MEGF9: variants seen among roughly 807,000 people sequenced by gnomAD.
MEGF9 encodes the protein multiple epidermal growth factor-like domains protein 9.
A neutral mutation model predicts 46.8 loss-of-function variants in MEGF9; 6 were observed. The ratio of observed to expected loss-of-function variants is 0.13; its 90% CI spans 0.07 to 0.25. MEGF9 has a LOEUF of 0.25. Ranked by LOEUF, MEGF9 falls within the 10% of genes least tolerant of loss-of-function variation. MEGF9 has a pLI of 1.00. For synonymous variants in MEGF9, 302 were observed against 330.7 expected (o/e 0.91, Z 0.94); for missense variants, 683 against 792.4 (o/e 0.86, Z 1.66).
chr9:120,676,088 AT>A, intron 1 of MEGF9, among the ~76,000 whole-genome samples: 1 of 151,982 alleles, frequency 6.6e-6, no homozygotes. Context: ...TTCCCCAGTA[AT>A]TCCATTTATC....
chr9:120,630,519 T>C (rs75998064), intron 2 of MEGF9, among the ~76,000 whole-genome samples: 1,971 of 152,356 alleles, frequency 0.013, 54 homozygotes, highest in African/African-American at 0.045. Context: ...CCTATAGATA[T>C]ACACCCAGTA....
chr9:120,679,711 G>A (rs1023565558), intron 1 of MEGF9, among the ~76,000 whole-genome samples: 2 of 152,084 alleles, frequency 1.3e-5, no homozygotes, highest in Non-Finnish European at 2.9e-5. Context: ...GCTGATGCAG[G>A]CAGATCACCT....
intron 2 of MEGF9, among the ~76,000 whole-genome samples, chr9:120,626,841 T>C (rs1346553321): frequency 1.3e-5 from 2 of 152,184 alleles, no homozygotes; most frequent in African/African-American, 4.8e-5. Context: ...ATACCAACCT[T>C]TGTAGTATAT....
chr9:120,682,572 T>TACACACAC (rs34220125), intron 1 of MEGF9, among the ~76,000 whole-genome samples: 1 of 150,328 alleles, frequency 6.7e-6, no homozygotes, highest in African/African-American at 2.4e-5. Flanking sequence ...AACCAATTCT[T>TACACACAC]ACACACACAC....
chr9:120,659,392 A>C lies in MEGF9; in HGVS notation c.785T>G (p.Leu262Arg). The change falls in exon 2 of 6, where the codon CTC (leucine) becomes CGC (arginine). Residue 262 changes from leucine (L) to arginine (R), a missense_variant. By Grantham distance (102) the Leu-to-Arg change is moderately radical. This residue lies in a region of MEGF9 where 370 missense variants were observed against 371.3 expected (regional missense o/e 1.00). Transcript: ENST00000373930. Reference protein sequence around the residue: ...QPCDCSPHGALSIPCNSSGKC... With the variant: ...QPCDCSPHGARSIPCNSSGKC... ...TGCTTACCTGTTGCACGGTATGCTG[A>C]GAGCTCCATGTGGACTACAGTCACA... 1 of 1,613,830 alleles carries C rather than the reference A, an allele frequency of 6.2e-7. No individual in the cohort carries two copies. The highest frequency in any genetic ancestry group is 8.5e-7 in the Non-Finnish European group (1 of 1,179,824).
chr9:120,682,045 A>G (rs772567505), intron 1 of MEGF9, among the ~76,000 whole-genome samples: 1 of 152,220 alleles, frequency 6.6e-6, no homozygotes, highest in South Asian at 2.1e-4. Context: ...ACAACAAGCA[A>G]CAACAACAAA....
intron 4 of MEGF9, among the ~76,000 whole-genome samples, chr9:120,609,460 A>G (rs2043434910): frequency 6.6e-6 from 1 of 152,188 alleles, no homozygotes; most frequent in African/African-American, 2.4e-5. Flanking sequence ...GTAATTACCT[A>G]GTTACTTGTG....
At chr9:120,641,512 A>AT (rs1315272569) in intron 2 of MEGF9, among the ~76,000 whole-genome samples, 1 of 152,240 alleles carries the variant, frequency 6.6e-6, no homozygotes, top group Non-Finnish European at 1.5e-5. Context: ...TTGCATCTGC[A>AT]TAAGTTGACC....
Position 120,612,443 on chromosome 9 carries a change from A to C in MEGF9, c.1040T>G (p.Leu347Arg), listed in dbSNP as rs746632272. ...YQSPDATKEC[L>R]RCPCSAVTST... Reference sequence around the variant, plus strand: ...TGTCACTGCTGAACAAGGGCAGCGAAGACATTCTTTAGTGGCATCAGGACT... The same window carrying C: ...TGTCACTGCTGAACAAGGGCAGCGACGACATTCTTTAGTGGCATCAGGACT... Residue 347 changes from leucine to arginine, a missense_variant, in exon 4 of 6, where the codon CTT becomes CGT. By Grantham distance (102) the Leu-to-Arg change is moderately radical. Around this residue, in one of 2 missense-constraint regions of MEGF9, gnomAD observed 313 missense variants for 421.1 expected, o/e 0.74. Transcript: ENST00000373930. The C allele has an allele frequency of 1.9e-6, 3 of 1,613,782 alleles. No individual in the cohort carries two copies. The highest frequency in any genetic ancestry group is 2.5e-6 in the Non-Finnish European group (3 of 1,179,744).
At chr9:120,619,676 T>C (rs932765863) in intron 3 of MEGF9, among the ~76,000 whole-genome samples, 3 of 152,232 alleles carry the variant, frequency 2.0e-5, no homozygotes, top group African/African-American at 7.2e-5. Context: ...TTGGTGAGCA[T>C]CTCTGAATAT....
chr9:120,669,378 A>G (rs114584117), intron 1 of MEGF9, among the ~76,000 whole-genome samples: 1,620 of 152,300 alleles, frequency 0.011, 30 homozygotes, highest in African/African-American at 0.034. Context: ...GGTCAATTTA[A>G]AAGACAAAGA....
chr9:120,636,759 G>T (rs1480181662), intron 2 of MEGF9, among the ~76,000 whole-genome samples: 1 of 151,668 alleles, frequency 6.6e-6, no homozygotes, highest in East Asian at 2.0e-4. Flanking sequence ...CCGCCCGGCC[G>T]CCCCATCTGA....
At chr9:120,663,455 T>A (rs1273223826) in intron 1 of MEGF9, among the ~76,000 whole-genome samples, 1 of 152,168 alleles carries the variant, frequency 6.6e-6, no homozygotes, top group Non-Finnish European at 1.5e-5. Context: ...GCAGAAATAA[T>A]GCAATCCCCT....
In MEGF9 at chr9:120,695,036, T is replaced by TA. The variant is rs748784492; in HGVS notation, c.601+18721dup. Among the ~76,000 whole-genome samples the TA allele has an allele frequency of 4.7e-3, 646 of 137,440 alleles. 3 individuals carry two copies. The highest frequency in any genetic ancestry group is 7.3e-3 in the Middle Eastern group (2 of 274). 90.2% of individuals were successfully genotyped at this position (137,440 alleles called of 152,430 possible). ...TCTAGGTGCTGGCCATATAGTGGTT[T>TA]AAAAAAAAAAAAAAAGAGAGAGAGA... On this transcript the variant is annotated intron_variant, in intron 1 of 5. Coordinates refer to ENST00000373930, the MANE Select transcript of MEGF9 (RefSeq NM_001080497.3).
At chr9:120,624,359 C>G (rs1381390262) in intron 2 of MEGF9, among the ~76,000 whole-genome samples, 2 of 152,106 alleles carry the variant, frequency 1.3e-5, no homozygotes, top group Non-Finnish European at 2.9e-5. Context: ...CCTCAAGTAG[C>G]TGGGACTACA....
chr9:120,670,979 C>A (rs1451476933), intron 1 of MEGF9, among the ~76,000 whole-genome samples: 2 of 152,150 alleles, frequency 1.3e-5, no homozygotes, highest in Non-Finnish European at 2.9e-5. Context: ...TTTTCTTCAC[C>A]ACGTTTTCTT....
chr9:120,708,087 G>A (rs1319269446), intron 1 of MEGF9, among the ~76,000 whole-genome samples: 1 of 151,960 alleles, frequency 6.6e-6, no homozygotes, highest in Non-Finnish European at 1.5e-5. Context: ...GCTGGGCATG[G>A]TAGCTCATGC....
At chr9:120,711,176 A>C (rs947224298) in intron 1 of MEGF9, among the ~76,000 whole-genome samples, 1 of 152,244 alleles carries the variant, frequency 6.6e-6, no homozygotes, top group African/African-American at 2.4e-5. Flanking sequence ...GGATTTAACA[A>C]AAATACTCTG....
chr9:120,616,455 G>A (rs555450247), intron 3 of MEGF9, among the ~76,000 whole-genome samples: 17 of 151,942 alleles, frequency 1.1e-4, no homozygotes, highest in Non-Finnish European at 1.3e-4. Context: ...CGAGGCGGTC[G>A]GATCACGAGG....
Sources: gnomAD v4.1 joint callset for allele counts (sites outside exome capture counted in the v4.1 genomes callset) on GRCh38, gnomAD v4.1.1 for gene constraint, gnomAD v4.1.1 regional missense constraint, MANE v1.5 for transcripts, NCBI Gene and HGNC (gene_info 2026-07-23, HGNC 2026-07-21) for gene names.